The following PHLPP1 variants were observed in gnomAD, a reference collection of about 807,000 sequenced individuals.
PHLPP1 encodes PH domain and leucine rich repeat protein phosphatase 1.
A neutral mutation model predicts 117.2 loss-of-function variants in PHLPP1; 42 were observed. The ratio of observed to expected loss-of-function variants is 0.36; its 90% CI spans 0.28 to 0.46. The LOEUF is 0.46. PHLPP1 is among the 20% of genes least tolerant of loss of function. The pLI, the probability that PHLPP1 is intolerant of heterozygous loss-of-function variation, is 1.00. For synonymous variants in PHLPP1, 1,042 were observed against 970.7 expected (o/e 1.07, Z -1.37); for missense variants, 2,084 against 2,241.9 (o/e 0.93, Z 1.42).
At chr18:62,900,828 A>G (rs1167187035) in intron 6 of PHLPP1, among the ~76,000 whole-genome samples, 1 of 152,108 alleles carries the variant, frequency 6.6e-6, no homozygotes, top group Non-Finnish European at 1.5e-5. Flanking sequence ...CTCACAAATA[A>G]CTATGTGAGA....
chr18:62,862,199 C>A (rs1050075149), intron 4 of PHLPP1, among the ~76,000 whole-genome samples: 8 of 152,038 alleles, frequency 5.3e-5, no homozygotes, highest in Non-Finnish European at 8.8e-5. Context: ...CCCGCCTCAG[C>A]CTCTGAAGTA....
chr18:62,825,652 C>T (rs948584145), intron 1 of PHLPP1, among the ~76,000 whole-genome samples: 3 of 151,668 alleles, frequency 2.0e-5, no homozygotes, highest in Non-Finnish European at 4.4e-5. Context: ...CGGGGTTTCA[C>T]TATGTTGCTC....
At chr18:62,850,637 A>G (rs960686948) in intron 3 of PHLPP1, among the ~76,000 whole-genome samples, 1 of 152,154 alleles carries the variant, frequency 6.6e-6, no homozygotes, top group African/African-American at 2.4e-5. Flanking sequence ...CTCTGAGTTC[A>G]GATTTGATCT....
rs187431433 is a variant in PHLPP1 at position 62,856,603 on chromosome 18, T to A, written c.1900-3832T>A. On this transcript the variant is annotated intron_variant, in intron 3 of 16. Transcript: ENST00000262719. The stretch of plus-strand genomic sequence containing the variant: ...CCACCACGCCCAGCTAATTAAAAAA[T>A]TTTTTTATTAGTAGAGTTGGTGGTC... 1.2e-3 allele frequency among the ~76,000 whole-genome samples: 180 copies of A among 152,112 alleles called. 1 individual carries two copies. The highest frequency in any genetic ancestry group is 4.1e-3 in the Admixed American group (63 of 15,270).
intron 4 of PHLPP1, among the ~76,000 whole-genome samples, chr18:62,884,188 A>T (rs984392409): frequency 3.3e-5 from 5 of 152,246 alleles, no homozygotes; most frequent in Admixed American, 6.5e-5. Context: ...GGGTGAGTAA[A>T]CAATTTGCAG....
chr18:62,790,808 T>C (rs930502207), intron 1 of PHLPP1, among the ~76,000 whole-genome samples: 4 of 152,116 alleles, frequency 2.6e-5, no homozygotes, highest in Non-Finnish European at 5.9e-5. Context: ...GTCTGGGGAC[T>C]GAGAGGAAGG....
At chr18:62,847,602 A>G (rs970959285) in intron 3 of PHLPP1, among the ~76,000 whole-genome samples, 2 of 152,226 alleles carry the variant, frequency 1.3e-5, no homozygotes, top group Non-Finnish European at 2.9e-5. Context: ...GGGCCCTTGT[A>G]AGGTAGTTGA....
intron 4 of PHLPP1, among the ~76,000 whole-genome samples, chr18:62,883,932 A>G (rs893482525): frequency 1.3e-5 from 2 of 152,220 alleles, no homozygotes. Flanking sequence ...GGATTTCAGA[A>G]TTAAGGATAA....
In PHLPP1 at chr18:62,979,556, A is replaced by G. The variant is rs2144497626; in HGVS notation, c.*125A>G. ...CCCCAGACACTGTTCCCAACCTGTC[A>G]TCGCAGCTAATCTGTAGGTTCTCTT... On this transcript the variant is annotated 3_prime_UTR_variant, in exon 17 of 17. Coordinates refer to ENST00000262719, the MANE Select transcript of PHLPP1 (RefSeq NM_194449.4). 7 of 1,013,730 alleles carry G rather than the reference A, an allele frequency of 6.9e-6. No individual in the cohort carries two copies. Among genetic ancestry groups the G allele is most frequent in the Non-Finnish European group, 1.0e-5 (7 of 703,270 alleles). The allele number at this position is 1,013,730 out of a possible 1,614,324, so 62.8% of individuals were successfully genotyped here. A position where few individuals can be genotyped will look rare whatever the true frequency, so the allele number is the denominator to read the frequency against.
intron 1 of PHLPP1, among the ~76,000 whole-genome samples, chr18:62,737,084 CAT>C (rs1911389803): frequency 6.6e-6 from 1 of 152,090 alleles, no homozygotes; most frequent in East Asian, 1.9e-4. Context: ...TTATTGGAGG[CAT>C]TTACACAGTG....
chr18:62,901,093 C>T (rs937639828), intron 6 of PHLPP1, among the ~76,000 whole-genome samples: 3 of 151,910 alleles, frequency 2.0e-5, no homozygotes, highest in African/African-American at 7.3e-5. Flanking sequence ...ATTTTTTTGT[C>T]TCCTTATTAA....
intron 8 of PHLPP1, among the ~76,000 whole-genome samples, chr18:62,912,917 G>A (rs1444809696): frequency 2.6e-5 from 4 of 152,170 alleles, no homozygotes; most frequent in African/African-American, 4.8e-5. Flanking sequence ...CACCATGCCC[G>A]GCCCAGATGT....
Position 62,978,325 on chromosome 18 carries a change from A to G in PHLPP1, c.4048A>G (p.Ser1350Gly). Residue 1350 changes from serine to glycine, a missense_variant, in exon 17 of 17, where the codon AGT becomes GGT. Physicochemically the swap from Ser to Gly is moderately conservative, Grantham distance 56. Transcript: ENST00000262719. The surrounding 1 kb of genome is among the most constrained non-coding windows in gnomAD (Gnocchi z 7.0). The stretch of plus-strand genomic sequence containing the variant: ...CCTGGGCTACACCTTCCTCCATCCC[A>G]GTGTGGTGCCTCGCCCCCACGTGCA... Reference protein sequence around the residue: ...RILGYTFLHPSVVPRPHVQSV... With the variant: ...RILGYTFLHPGVVPRPHVQSV... 1.2e-6 allele frequency: 2 copies of G among 1,613,178 alleles called. No homozygotes were observed. The highest frequency in any genetic ancestry group is 2.2e-5 in the South Asian group (2 of 90,904).
rs112952539 is a variant in PHLPP1, at chr18:62,892,455, G to A, written c.2067-2556G>A. Among the ~76,000 whole-genome samples the A allele has an allele frequency of 6.1e-3, 922 of 152,124 alleles. 15 individuals carry two copies. Among genetic ancestry groups the A allele is most frequent in the African/African-American group, 0.021 (875 of 41,500 alleles). ...TGGCTGGATTCTCATATCTCTTTCTGTATTCCATCAGGTATGCTATTACAA... is the reference window on the plus strand; with the variant it reads ...TGGCTGGATTCTCATATCTCTTTCTATATTCCATCAGGTATGCTATTACAA... On this transcript the variant is annotated intron_variant, in intron 4 of 16. Transcript: ENST00000262719.
chr18:62,870,925 G>T (rs1257857851), intron 4 of PHLPP1, among the ~76,000 whole-genome samples: 1 of 152,162 alleles, frequency 6.6e-6, no homozygotes, highest in Non-Finnish European at 1.5e-5. Context: ...AAATATAGAG[G>T]AGAGGCAAAC....
intron 3 of PHLPP1, among the ~76,000 whole-genome samples, chr18:62,849,013 A>C (rs1437002157): frequency 6.6e-6 from 1 of 152,230 alleles, no homozygotes; most frequent in Non-Finnish European, 1.5e-5. Context: ...CAGAGTTGGC[A>C]GCAGAATCCA....
chr18:62,837,033 G>A (rs1219943288), intron 2 of PHLPP1, among the ~76,000 whole-genome samples: 1 of 152,202 alleles, frequency 6.6e-6, no homozygotes, highest in Non-Finnish European at 1.5e-5. Flanking sequence ...ACAGGTTGGA[G>A]TGCAGTGGTA....
At chr18:62,801,995 T>G (rs1366994903) in intron 1 of PHLPP1, among the ~76,000 whole-genome samples, 1 of 151,638 alleles carries the variant, frequency 6.6e-6, no homozygotes, top group African/African-American at 2.4e-5. Context: ...CTTTTTCTAT[T>G]TTTTTTAACC....
chr18:62,752,057 A>G (rs1261161625), intron 1 of PHLPP1, among the ~76,000 whole-genome samples: 1 of 152,246 alleles, frequency 6.6e-6, no homozygotes, highest in African/African-American at 2.4e-5. Context: ...AAAGGATTTA[A>G]AAAGATTTTT....
Sources: allele counts gnomAD v4.1 joint callset (sites outside exome capture counted in the v4.1 genomes callset), GRCh38; gene constraint gnomAD v4.1.1; non-coding constraint Gnocchi (gnomAD v3.1); transcripts MANE v1.5; gene names NCBI Gene and HGNC (gene_info 2026-07-23, HGNC 2026-07-21).